Variants in SRRT observed in about 807,000 individuals in gnomAD.
The protein encoded by SRRT is serrate RNA effector molecule homolog.
Under a neutral mutation model 103.2 loss-of-function variants are expected in SRRT, and 32 were observed. The observed-to-expected ratio is 0.31, with a 90% CI of 0.23 to 0.42. The LOEUF is 0.42. Ranked by LOEUF, SRRT falls within the 10% of genes least tolerant of loss-of-function variation. SRRT has a pLI of 1.00. For missense variants in SRRT, 986 were observed against 1,207.5 expected (o/e 0.82, Z 2.72); for synonymous variants, 525 against 449.0 (o/e 1.17, Z -2.14).
In SRRT at chr7:100,881,276, T is replaced by A; in HGVS notation, c.123-9T>A. 6.2e-7 allele frequency: 1 copy of A among 1,605,444 alleles called. No individual in the cohort carries two copies. Among genetic ancestry groups the A allele is most frequent in the South Asian group, 1.1e-5 (1 of 90,960 alleles). On this transcript the variant is annotated splice_polypyrimidine_tract_variant and intron_variant, in intron 2 of 19. Coordinates refer to ENST00000611405, the MANE Select transcript of SRRT (RefSeq NM_015908.6). Reference sequence around the variant, plus strand: ...GCCTTTAATCTTTGTTACTTGTTCTTACTGCCAGAGAGTGGGACCGTGGCC... The same window carrying A: ...GCCTTTAATCTTTGTTACTTGTTCTAACTGCCAGAGAGTGGGACCGTGGCC...
Position 100,884,479 on chromosome 7 carries a change from G to C in SRRT, c.869G>C (p.Arg290Pro). 1 of 1,613,940 alleles carries C rather than the reference G, an allele frequency of 6.2e-7. No homozygotes were observed. Among genetic ancestry groups the C allele is most frequent in the Non-Finnish European group, 8.5e-7 (1 of 1,179,960 alleles). The change falls in exon 7 of 20, where the codon CGG becomes CCG. Residue 290 changes from arginine to proline, a missense_variant. By Grantham distance (103) the Arg-to-Pro change is moderately radical. This residue lies in a region of SRRT where 166 missense variants were observed against 148.6 expected (regional missense o/e 1.12). Transcript: ENST00000611405. ...PGEPSKKEEG[R>P]AGAGLGDGER... ...GAGCCCAGCAAGAAAGAAGAAGGAC[G>C]GGCTGGAGCAGGCCTAGGGGACGGG...
At position 100,887,711 on chromosome 7, in the gene SRRT, G is replaced by T; in HGVS notation, c.2178G>T (p.Glu726Asp). ...PLSGKKFKGP[E>D]FVRKHIFNKH... is the part of the protein sequence containing the mutation. ...CTCCTCTCTCCACCCAGGGTCCTGA[G>T]TTTGTGCGCAAACATATCTTCAACA... is the stretch of plus-strand genomic sequence containing the variant. The change falls in exon 17 of 20, where the codon GAG becomes GAT. Residue 726 changes from glutamate (E) to aspartate (D), a missense_variant. Physicochemically the swap from Glu to Asp is conservative, Grantham distance 45. Around this residue, in one of 6 missense-constraint regions of SRRT, gnomAD observed 10 missense variants for 35.1 expected, o/e 0.29. Coordinates refer to ENST00000611405, the MANE Select transcript of SRRT (RefSeq NM_015908.6). This position sits in a 1 kb window ranked among gnomAD's most constrained non-coding sequence, Gnocchi z 4.1. The T allele has an allele frequency of 6.2e-7, 1 of 1,609,498 alleles. No individual in the cohort carries two copies. Among genetic ancestry groups the T allele is most frequent in the Non-Finnish European group, 8.5e-7 (1 of 1,176,038 alleles).
At chr7:100,875,752 C>T (rs761675300) in intron 2 of SRRT, 40 bp downstream of exon 2, 49 of 1,608,318 alleles carry the variant, frequency 3.0e-5, no homozygotes, top group Non-Finnish European at 4.1e-5. Flanking sequence ...CGTTTCATGC[C>T]GTTTCACTCC....
At chr7:100,881,264 G>T in intron 2 of SRRT, 21 bp from the exon 3 acceptor site, 1 of 1,601,106 alleles carries the variant, frequency 6.2e-7, no homozygotes, top group South Asian at 1.1e-5. Context: ...TTTAATCTTT[G>T]TTACTTGTTC....
At chr7:100,877,248 C>T (rs562106835) in intron 2 of SRRT, among the ~76,000 whole-genome samples, 2 of 151,460 alleles carry the variant, frequency 1.3e-5, no homozygotes, top group African/African-American at 4.8e-5. Context: ...TTGTGAAACC[C>T]TGTCTCTACT....
In SRRT at chr7:100,882,263, G is replaced by C. The variant is rs1192280337; in HGVS notation, c.587+22G>C. On this transcript the variant is annotated intron_variant, in intron 5 of 19. Transcript: ENST00000611405. This position sits in a 1 kb window ranked among gnomAD's most constrained non-coding sequence, Gnocchi z 4.2. Reference sequence around the variant, plus strand: ...AGTGGTGAGTGCCCCTACTTCCCTGGACCTCTGCCCTGGCATGTCCCCCTG... The same window carrying C: ...AGTGGTGAGTGCCCCTACTTCCCTGCACCTCTGCCCTGGCATGTCCCCCTG... 5 of 1,610,452 alleles carry C rather than the reference G, an allele frequency of 3.1e-6. No homozygotes were observed.
chr7:100,884,023 G>C (rs1181071570), intron 5 of SRRT, 47 bp from the exon 6 acceptor site: 2 of 1,519,008 alleles, frequency 1.3e-6, no homozygotes, highest in South Asian at 2.6e-5. Flanking sequence ...TCCTGGCCTT[G>C]GCTTCCAATA....
intron 2 of SRRT, among the ~76,000 whole-genome samples, chr7:100,876,208 A>G (rs949861065): frequency 5.3e-5 from 8 of 152,096 alleles, no homozygotes; most frequent in Non-Finnish European, 8.8e-5. Context: ...CTGGAGTGCA[A>G]TGGCGCAATC....
rs556469097 is a variant in SRRT, at chr7:100,875,556, C to T, written c.-18-17C>T. On this transcript the variant is annotated splice_polypyrimidine_tract_variant and intron_variant, in intron 1 of 19. Coordinates refer to ENST00000611405, the MANE Select transcript of SRRT (RefSeq NM_015908.6). ...CGTCCTTTTGCACCACTCCTACCGC[C>T]TCTCCCCGGTCCCCAGGCCCCCTCA... 8.4e-5 allele frequency: 136 copies of T among 1,612,850 alleles called. No homozygotes were observed. The South Asian group carries it at 1.3e-3, about 16-fold the overall frequency.
intron 2 of SRRT, 114 bp from the exon 3 acceptor site, chr7:100,881,171 G>T: frequency 1.8e-6 from 2 of 1,115,234 alleles, no homozygotes; most frequent in Non-Finnish European, 1.3e-6. Flanking sequence ...TGCCCAGGTT[G>T]GTCTCGAACT....
At position 100,881,344 on chromosome 7, in the gene SRRT, A is replaced by G; in HGVS notation, c.182A>G (p.Asn61Ser). 1.2e-6 allele frequency: 2 copies of G among 1,613,764 alleles called. No individual in the cohort carries two copies. Among genetic ancestry groups the G allele is most frequent in the Non-Finnish European group, 1.7e-6 (2 of 1,179,884 alleles). Residue 61 changes from asparagine to serine, a missense_variant, in exon 3 of 20, where the codon AAT (asparagine) becomes AGT (serine). Asn to Ser is a conservative substitution (Grantham distance 46, BLOSUM62 1). This residue lies in a region of SRRT where 274 missense variants were observed against 358.5 expected (regional missense o/e 0.76). Transcript: ENST00000611405. ...GGTGAATATCGGGACTATGACCGGA[A>G]TCGGCGAGAGCGCTTCTCGCCACCT... ...SRGEYRDYDRNRRERFSPPRH... is the reference protein window; with the variant it reads ...SRGEYRDYDRSRRERFSPPRH...
intron 2 of SRRT, among the ~76,000 whole-genome samples, chr7:100,877,419 CAAAAAAAAAA>C (rs869150232): frequency 2.9e-5 from 2 of 69,090 alleles, no homozygotes; most frequent in Non-Finnish European, 5.2e-5. Flanking sequence ...GACTCTGTCT[CAAAAAAAAAA>C]AAAAAAAAAA....
intron 2 of SRRT, among the ~76,000 whole-genome samples, chr7:100,879,810 C>CAAA (rs558063196): frequency 9.2e-6 from 1 of 108,818 alleles, no homozygotes; most frequent in Non-Finnish European, 1.9e-5. Context: ...AGACTGTCTC[C>CAAA]AAAAAAAAAA....
Position 100,882,440 on chromosome 7 carries a change from C to T in SRRT, c.587+199C>T. ...CACGGCCCCCGCCCCGCCCTGTCTC[C>T]TGTCCTGCTGTCCTCAGAGAGTGGG... On this transcript the variant is annotated intron_variant, in intron 5 of 19. Transcript: ENST00000611405. This position sits in a 1 kb window ranked among gnomAD's most constrained non-coding sequence, Gnocchi z 4.2. 1 of 559,862 alleles carries T rather than the reference C, an allele frequency of 1.8e-6. No homozygotes were observed. The highest frequency in any genetic ancestry group is 2.1e-5 in the South Asian group (1 of 47,532). The allele number at this position is 559,862 out of a possible 1,614,324, so 34.7% of individuals were successfully genotyped here. A position where few individuals can be genotyped will look rare whatever the true frequency, so the allele number is the denominator to read the frequency against.
rs750077751 is a variant in SRRT, at chr7:100,885,333, A to G, written c.1280A>G (p.Asn427Ser). 5 of 1,614,078 alleles carry G rather than the reference A, an allele frequency of 3.1e-6. No homozygotes were observed. The highest frequency in any genetic ancestry group is 4.5e-5 in the East Asian group (2 of 44,872). The part of the protein sequence containing the change: ...LHKTCSLFMR[N>S]IAPNISRAEI... The stretch of plus-strand genomic sequence containing the variant: ...AAGACCTGCTCCCTCTTCATGCGCA[A>G]CATCGCGCCCAACATCTCCCGGGCC... The change falls in exon 10 of 20, where the codon AAC (asparagine) becomes AGC (serine). Residue 427 changes from asparagine to serine, a missense_variant. By Grantham distance (46) the Asn-to-Ser change is conservative. This residue lies in a region of SRRT where 349 missense variants were observed against 446.9 expected (regional missense o/e 0.78). Coordinates refer to ENST00000611405, the MANE Select transcript of SRRT (RefSeq NM_015908.6). The surrounding 1 kb of genome is among the most constrained non-coding windows in gnomAD (Gnocchi z 4.8).
Position 100,882,006 on chromosome 7 carries a change from C to T in SRRT, c.399-47C>T. ...CAGCTACTTTGGCCCCTGTAGCCTC[C>T]CACCGTTCCCCAAAAACCAAGCCTT... On this transcript the variant is annotated intron_variant, in intron 4 of 19. Transcript: ENST00000611405. This position sits in a 1 kb window ranked among gnomAD's most constrained non-coding sequence, Gnocchi z 4.2. 6.3e-7 allele frequency: 1 copy of T among 1,579,842 alleles called. No homozygotes were observed. The highest frequency in any genetic ancestry group is 8.6e-7 in the Non-Finnish European group (1 of 1,165,182).
Position 100,888,300 on chromosome 7 carries a change from C to T in SRRT, c.2472C>T (p.Tyr824=), listed in dbSNP as rs1435840459. 1.9e-6 allele frequency: 3 copies of T among 1,613,726 alleles called. No individual in the cohort carries two copies. The highest frequency in any genetic ancestry group is 2.5e-6 in the Non-Finnish European group (3 of 1,179,680). Reference sequence around the variant, plus strand: ...CAGTCCCCACAGGAGGCCCTCCATACCCCCATGCCCCGTATGGTGCTGGTC... The same window carrying T: ...CAGTCCCCACAGGAGGCCCTCCATATCCCCATGCCCCGTATGGTGCTGGTC... ...RPAVPTGGPP[Y]PHAPYGAGRG... The change falls in exon 19 of 20, where the codon TAC becomes TAT. Residue 824 remains tyrosine, a synonymous_variant. Transcript: ENST00000611405.
chr7:100,881,850 T>C lies in SRRT; in HGVS notation c.398+45T>C, dbSNP rs149503941. The C allele has an allele frequency of 1.2e-3, 1,861 of 1,548,868 alleles. 10 individuals carry two copies. In the African/African-American group the frequency reaches 0.021, roughly 17 times the overall value. ...GAAGAGGGTTGGTAGGCCTGGGGGA[T>C]GGATGGGGTTGCTGAAGGCCATGGC... is the stretch of plus-strand genomic sequence containing the variant. On this transcript the variant is annotated intron_variant, in intron 4 of 19. Coordinates refer to ENST00000611405, the MANE Select transcript of SRRT (RefSeq NM_015908.6).
In SRRT at chr7:100,887,448, A is replaced by G. The variant is rs774552045; in HGVS notation, c.2104A>G (p.Thr702Ala). 1.2e-6 allele frequency: 2 copies of G among 1,614,130 alleles called. No individual in the cohort carries two copies. Among genetic ancestry groups the G allele is most frequent in the Non-Finnish European group, 1.7e-6 (2 of 1,180,032 alleles). ...AGAGCAGGAAGTGGAGAAGTTCGTC[A>G]CCTCCAACACGCAGGAACTGGGCAA... ...DPEQEVEKFV[T>A]SNTQELGKDK... Residue 702 changes from threonine to alanine, a missense_variant, in exon 16 of 20, where the codon ACC (threonine) becomes GCC (alanine). Around this residue, in one of 6 missense-constraint regions of SRRT, gnomAD observed 349 missense variants for 446.9 expected, o/e 0.78. Coordinates refer to ENST00000611405, the MANE Select transcript of SRRT (RefSeq NM_015908.6). The surrounding 1 kb of genome is among the most constrained non-coding windows in gnomAD (Gnocchi z 4.1).
Sources: allele counts gnomAD v4.1 joint callset (sites outside exome capture counted in the v4.1 genomes callset), GRCh38; gene constraint gnomAD v4.1.1; regional missense constraint gnomAD v4.1.1; non-coding constraint Gnocchi (gnomAD v3.1); transcripts MANE v1.5; gene names NCBI Gene and HGNC (gene_info 2026-07-23, HGNC 2026-07-21).